PDE7A: variants seen among roughly 807,000 people sequenced by gnomAD.
PDE7A encodes high affinity 3',5'-cyclic-AMP phosphodiesterase 7A.
A neutral mutation model predicts 64.3 loss-of-function variants in PDE7A; 39 were observed. That is an observed-to-expected ratio of 0.61 (90% CI 0.47 to 0.79). PDE7A has a LOEUF of 0.79. PDE7A is among the 30% of genes least tolerant of loss of function. The pLI is 0.00. For missense variants in PDE7A, 470 were observed against 582.8 expected (o/e 0.81, Z 1.99); for synonymous variants, 203 against 206.8 (o/e 0.98, Z 0.16).
intron 3 of PDE7A, among the ~76,000 whole-genome samples, chr8:65,766,273 T>C (rs192145670): frequency 1.1e-4 from 17 of 152,324 alleles, no homozygotes; most frequent in African/African-American, 3.1e-4. Flanking sequence ...AAAAAATCAA[T>C]ATGGAATTTA....
At chr8:65,739,066 G>A (rs1227236420) in intron 6 of PDE7A, among the ~76,000 whole-genome samples, 1 of 152,212 alleles carries the variant, frequency 6.6e-6, no homozygotes, top group African/African-American at 2.4e-5. Context: ...AGCGGCCTGG[G>A]GATATCAGCT....
chr8:65,790,190 G>A (rs1007492312), intron 1 of PDE7A, among the ~76,000 whole-genome samples: 1 of 152,244 alleles, frequency 6.6e-6, no homozygotes, highest in Non-Finnish European at 1.5e-5. Context: ...GCGGCTCAAG[G>A]GCAGGGAGGA....
At chr8:65,744,778 T>C (rs1041193332) in intron 5 of PDE7A, among the ~76,000 whole-genome samples, 6 of 152,238 alleles carry the variant, frequency 3.9e-5, no homozygotes, top group African/African-American at 1.2e-4. Context: ...GCAGCGGCAA[T>C]TGCCAACCAA....
intron 3 of PDE7A, among the ~76,000 whole-genome samples, chr8:65,750,110 C>G (rs1807864744): frequency 6.6e-6 from 1 of 152,124 alleles, no homozygotes; most frequent in Non-Finnish European, 1.5e-5. Flanking sequence ...TACAGTTTTA[C>G]CAGAGTATGT....
chr8:65,751,559 A>C (rs1238340699), intron 3 of PDE7A, among the ~76,000 whole-genome samples: 1 of 151,754 alleles, frequency 6.6e-6, no homozygotes, highest in East Asian at 1.9e-4. Flanking sequence ...ATGGTGCGAT[A>C]TCGGCTCACC....
chr8:65,766,932 G>T (rs946866174), intron 3 of PDE7A, among the ~76,000 whole-genome samples: 1 of 151,990 alleles, frequency 6.6e-6, no homozygotes, highest in Admixed American at 6.6e-5. Flanking sequence ...TTTCTCAATG[G>T]GTCTTGGAAA....
rs746400947 is a variant in PDE7A at position 65,717,960 on chromosome 8, G to C, written c.*1330C>G. On this transcript the variant is annotated 3_prime_UTR_variant, in exon 13 of 13. Transcript: ENST00000401827. The stretch of plus-strand genomic sequence containing the variant: ...AACAAATTACAAAAGTGGAATGTTT[G>C]AAGTTTAAAATTAGTCCTTATAGTT... The C allele has an allele frequency of 1.3e-5, 2 of 152,220 alleles. No homozygotes were observed. Among genetic ancestry groups the C allele is most frequent in the Non-Finnish European group, 2.9e-5 (2 of 68,028 alleles). 9.4% of individuals were successfully genotyped at this position (152,220 alleles called of 1,614,324 possible). A position where few individuals can be genotyped will look rare whatever the true frequency, so the allele number is the denominator to read the frequency against.
intron 1 of PDE7A, among the ~76,000 whole-genome samples, chr8:65,804,791 G>A (rs950482412): frequency 2.6e-5 from 4 of 151,964 alleles, no homozygotes; most frequent in Non-Finnish European, 5.9e-5. Flanking sequence ...TACCCGCCTC[G>A]GCCTCCCACA....
intron 1 of PDE7A, chr8:65,789,176 A>G: frequency 1.6e-6 from 1 of 630,266 alleles, no homozygotes; most frequent in South Asian, 4.9e-5. Flanking sequence ...GGGTTGGGGT[A>G]GAACTGCCTA....
At chr8:65,729,241 A>G (rs189674667) in intron 7 of PDE7A, among the ~76,000 whole-genome samples, 19 of 152,270 alleles carry the variant, frequency 1.2e-4, no homozygotes, top group African/African-American at 3.8e-4. Context: ...TTTTCAATAA[A>G]ATAGAAAACT....
chr8:65,825,325 A>T (rs565607128), intron 1 of PDE7A, among the ~76,000 whole-genome samples: 6 of 152,172 alleles, frequency 3.9e-5, no homozygotes, highest in Non-Finnish European at 7.3e-5. Context: ...TCTTATAGAA[A>T]CAAACAATGA....
At chr8:65,719,529 T>A in intron 12 of PDE7A, 34 bp from the exon 13 acceptor site, 1 of 1,363,736 alleles carries the variant, frequency 7.3e-7, no homozygotes, top group Non-Finnish European at 1.0e-6. Context: ...TATTAACATA[T>A]ATGCTGAAAC....
Position 65,738,987 on chromosome 8 carries a change from G to A in PDE7A, c.595+515C>T, listed in dbSNP as rs971757803. Among the ~76,000 whole-genome samples, 9 of 152,284 alleles carry A rather than the reference G, an allele frequency of 5.9e-5. No individual in the cohort carries two copies. The East Asian group carries it at 1.4e-3, about 23-fold the overall frequency. On this transcript the variant is annotated intron_variant, in intron 6 of 12. Coordinates refer to ENST00000401827, the MANE Select transcript of PDE7A (RefSeq NM_001242318.3). ...GCACCAACAGGTGTAGTGCATCCCT[G>A]GTCTGACTTGCTGTGGCCACTTGCT...
At chr8:65,745,004 A>T (rs1255747538) in intron 5 of PDE7A, among the ~76,000 whole-genome samples, 2 of 152,052 alleles carry the variant, frequency 1.3e-5, no homozygotes, top group Admixed American at 1.3e-4. Context: ...TGTGGGAGGG[A>T]CCCGGTGGGA....
intron 1 of PDE7A, among the ~76,000 whole-genome samples, chr8:65,803,707 G>A (rs979341425): frequency 6.6e-6 from 1 of 152,084 alleles, no homozygotes; most frequent in Non-Finnish European, 1.5e-5. Flanking sequence ...GTGAATTTAT[G>A]TTTAAATGGA....
intron 3 of PDE7A, among the ~76,000 whole-genome samples, chr8:65,757,973 C>T (rs1032072735): frequency 3.9e-5 from 6 of 152,200 alleles, no homozygotes; most frequent in Non-Finnish European, 7.3e-5. Flanking sequence ...CCCACTTACT[C>T]ATTTATTTAC....
intron 7 of PDE7A, among the ~76,000 whole-genome samples, chr8:65,732,469 C>T (rs994145500): frequency 1.3e-5 from 2 of 152,166 alleles, no homozygotes; most frequent in African/African-American, 2.4e-5. Context: ...GAGTATAAAA[C>T]GTGATGCTGT....
At chr8:65,834,327 G>A (rs1385343589) in intron 1 of PDE7A, among the ~76,000 whole-genome samples, 2 of 152,016 alleles carry the variant, frequency 1.3e-5, no homozygotes, top group Non-Finnish European at 2.9e-5. Context: ...TTTATTGTAA[G>A]ACAGAATATA....
intron 7 of PDE7A, among the ~76,000 whole-genome samples, chr8:65,729,882 T>G (rs1180748704): frequency 6.6e-6 from 1 of 152,082 alleles, no homozygotes; most frequent in Non-Finnish European, 1.5e-5. Context: ...TGAAGACAGA[T>G]TCTTGACACA....
Sources: allele counts gnomAD v4.1 joint callset (sites outside exome capture counted in the v4.1 genomes callset), GRCh38; gene constraint gnomAD v4.1.1; transcripts MANE v1.5; gene names NCBI Gene and HGNC (gene_info 2026-07-23, HGNC 2026-07-21).